Variants in MYRIP observed in about 807,000 individuals in gnomAD.
MYRIP encodes myosin VIIA and Rab interacting protein, also known as rab effector MyRIP.
Under a neutral mutation model 98.0 loss-of-function variants are expected in MYRIP, and 49 were observed. That is an observed-to-expected ratio of 0.50 (90% CI 0.40 to 0.63). MYRIP has a LOEUF of 0.63. Among genes scored for constraint, MYRIP ranks in the 30% least tolerant of loss-of-function variants. The pLI, the probability that MYRIP is intolerant of heterozygous loss-of-function variation, is 0.00. For synonymous variants in MYRIP, 404 were observed against 409.5 expected, an observed-to-expected ratio of 0.99 and a Z score of 0.16; for missense variants, 1,004 against 1,058.2, an observed-to-expected ratio of 0.95 and a Z score of 0.71.
At chr3:39,969,089 T>G (rs932172387) in intron 2 of MYRIP, among the ~76,000 whole-genome samples, 7 of 152,186 alleles carry the variant, frequency 4.6e-5, no homozygotes, top group African/African-American at 1.7e-4. Context: ...GTGTGGCAAT[T>G]GTGAATGGGC....
intron 2 of MYRIP, among the ~76,000 whole-genome samples, chr3:39,984,172 GAC>G (rs1269093119): frequency 6.7e-6 from 1 of 148,800 alleles, no homozygotes; most frequent in East Asian, 1.9e-4. Flanking sequence ...TTCAGTCCAG[GAC>G]AGAGAGGTTG....
chr3:39,934,679 C>T (rs1944618682), intron 2 of MYRIP, among the ~76,000 whole-genome samples: 1 of 152,134 alleles, frequency 6.6e-6, no homozygotes, highest in Non-Finnish European at 1.5e-5. Context: ...GGGGAAGAAA[C>T]AGACAGCAGC....
intron 2 of MYRIP, among the ~76,000 whole-genome samples, chr3:39,987,210 A>T (rs1194711634): frequency 6.6e-6 from 1 of 151,780 alleles, no homozygotes; most frequent in African/African-American, 2.4e-5. Flanking sequence ...CCCTGTGTCC[A>T]TGTGTTCTCA....
chr3:39,955,006 C>G (rs1253299987), intron 2 of MYRIP, among the ~76,000 whole-genome samples: 2 of 152,006 alleles, frequency 1.3e-5, no homozygotes, highest in Non-Finnish European at 2.9e-5. Flanking sequence ...ACAAAGCCTC[C>G]AAGAAATGTG....
intron 2 of MYRIP, among the ~76,000 whole-genome samples, chr3:39,931,613 A>C (rs769979511): frequency 6.2e-4 from 95 of 152,274 alleles, no homozygotes; most frequent in South Asian, 1.4e-3. Flanking sequence ...GAAAGCATTC[A>C]GTCTTTATTC....
intron 3 of MYRIP, among the ~76,000 whole-genome samples, chr3:40,044,845 G>A (rs1399891439): frequency 1.3e-5 from 2 of 152,202 alleles, no homozygotes; most frequent in Non-Finnish European, 2.9e-5. Flanking sequence ...ACAAAAAAGA[G>A]TCAATGCTGT....
At chr3:40,208,823 C>T (rs1185565954) in intron 10 of MYRIP, among the ~76,000 whole-genome samples, 2 of 152,184 alleles carry the variant, frequency 1.3e-5, no homozygotes, top group African/African-American at 4.8e-5. Flanking sequence ...CAGCCACAAA[C>T]ATCATCTTCT....
intron 10 of MYRIP, among the ~76,000 whole-genome samples, chr3:40,198,296 T>C (rs147080952): frequency 1.3e-5 from 2 of 152,276 alleles, no homozygotes; most frequent in African/African-American, 4.8e-5. Context: ...TGTTGTGTTT[T>C]TGTTTGTTTG....
intron 15 of MYRIP, among the ~76,000 whole-genome samples, chr3:40,251,602 A>G (rs1307984651): frequency 6.6e-6 from 1 of 152,140 alleles, no homozygotes; most frequent in Non-Finnish European, 1.5e-5. Flanking sequence ...AAGTTTTAGA[A>G]CCTTTTCTAT....
At chr3:40,244,741 C>T (rs1575675856) in intron 13 of MYRIP, 134 bp downstream of exon 13, 2 of 983,670 alleles carry the variant, frequency 2.0e-6, no homozygotes, top group South Asian at 2.0e-5. Flanking sequence ...GGATACAGTC[C>T]TTCCAGATGG....
chr3:40,079,700 T>C (rs1281878128), intron 3 of MYRIP, among the ~76,000 whole-genome samples: 11 of 152,218 alleles, frequency 7.2e-5, no homozygotes, highest in African/African-American at 2.7e-4. Context: ...TGAAAATGCA[T>C]GTATGCTGGC....
intron 3 of MYRIP, among the ~76,000 whole-genome samples, chr3:40,050,954 A>G (rs1465373636): frequency 6.6e-6 from 1 of 152,178 alleles, no homozygotes; most frequent in African/African-American, 2.4e-5. Flanking sequence ...GAAAACTTGG[A>G]CAGGTGAAGA....
chr3:39,929,483 G>C (rs966389996), intron 2 of MYRIP, among the ~76,000 whole-genome samples: 9 of 152,096 alleles, frequency 5.9e-5, no homozygotes, highest in Non-Finnish European at 1.3e-4. Flanking sequence ...TCAAGACATT[G>C]TATAGCTACA....
At chr3:40,083,800 A>T (rs569132018) in intron 3 of MYRIP, among the ~76,000 whole-genome samples, 40 of 152,226 alleles carry the variant, frequency 2.6e-4, no homozygotes, top group African/African-American at 9.4e-4. Flanking sequence ...TCAACTGTGA[A>T]TTCCTTATCT....
intron 3 of MYRIP, among the ~76,000 whole-genome samples, chr3:40,116,307 G>A (rs1182605732): frequency 1.3e-5 from 2 of 152,028 alleles, no homozygotes; most frequent in African/African-American, 2.4e-5. Context: ...GTAAGACGTG[G>A]TCTCAAGTTT....
At chr3:40,001,481 T>C (rs1946518439) in intron 2 of MYRIP, among the ~76,000 whole-genome samples, 1 of 152,236 alleles carries the variant, frequency 6.6e-6, no homozygotes, top group South Asian at 2.1e-4. Flanking sequence ...AGGGATTATT[T>C]TACTGTTATC....
intron 3 of MYRIP, among the ~76,000 whole-genome samples, chr3:40,141,161 G>A (rs1291139501): frequency 6.6e-6 from 1 of 152,090 alleles, no homozygotes; most frequent in African/African-American, 2.4e-5. Flanking sequence ...GTGAGAACAT[G>A]CAACATTTGT....
At chr3:40,107,381 T>C (rs1035905176) in intron 3 of MYRIP, among the ~76,000 whole-genome samples, 4 of 152,202 alleles carry the variant, frequency 2.6e-5, no homozygotes, top group African/African-American at 7.2e-5. Flanking sequence ...CTGGGCCCCA[T>C]AAATTATGCT....
chr3:39,888,253 G>C (rs1345552719), intron 1 of MYRIP, among the ~76,000 whole-genome samples: 1 of 151,972 alleles, frequency 6.6e-6, no homozygotes, highest in African/African-American at 2.4e-5. Context: ...AAAGCTGGAG[G>C]CATCACACTA....
Sources: gnomAD v4.1 joint callset for allele counts (sites outside exome capture counted in the v4.1 genomes callset) on GRCh38, gnomAD v4.1.1 for gene constraint, MANE v1.5 for transcripts, NCBI Gene and HGNC (gene_info 2026-07-23, HGNC 2026-07-21) for gene names.